Variants in TNFRSF8 observed in about 807,000 individuals in gnomAD.
The protein encoded by TNFRSF8 is tumor necrosis factor receptor superfamily member 8.
A neutral mutation model predicts 70.8 loss-of-function variants in TNFRSF8; 26 were observed. The ratio of observed to expected loss-of-function variants is 0.37; its 90% CI spans 0.27 to 0.51. The LOEUF is 0.51. Ranked by LOEUF, TNFRSF8 falls within the 20% of genes least tolerant of loss-of-function variation. The pLI is 0.94. For missense variants in TNFRSF8, 720 were observed against 807.9 expected (o/e 0.89, Z 1.32); for synonymous variants, 356 against 339.2 (o/e 1.05, Z -0.54).
intron 2 of TNFRSF8, among the ~76,000 whole-genome samples, chr1:12,085,671 A>AC (rs1292053346): frequency 6.6e-6 from 1 of 151,716 alleles, no homozygotes; most frequent in Non-Finnish European, 1.5e-5. Flanking sequence ...ATGTTCCCCC[A>AC]CCCCCAGCAC....
rs1187413808 is a variant in TNFRSF8, at chr1:12,091,926, A to G, written c.152-5175A>G. 2.6e-5 allele frequency among the ~76,000 whole-genome samples: 4 copies of G among 152,306 alleles called. No homozygotes were observed. The East Asian group carries it at 5.8e-4, about 22-fold the overall frequency. ...AGTTCACAATAGGGTTTGCGCTCCT[A>G]TGAGAATCTAATGCAGTTACTGATC... On this transcript the variant is annotated intron_variant, in intron 2 of 14. Coordinates refer to ENST00000263932, the MANE Select transcript of TNFRSF8 (RefSeq NM_001243.5).
chr1:12,094,635 T>TC (rs1413140165), intron 2 of TNFRSF8, among the ~76,000 whole-genome samples: 2 of 148,184 alleles, frequency 1.3e-5, no homozygotes, highest in Non-Finnish European at 3.0e-5. Flanking sequence ...TTTTTTGCTT[T>TC]TTTTTTTTGA....
chr1:12,080,368 A>G, intron 1 of TNFRSF8: 2 of 524,580 alleles, frequency 3.8e-6, no homozygotes, highest in Non-Finnish European at 7.6e-6. Flanking sequence ...CATCCATGCC[A>G]TAGAGCTTTG....
At chr1:12,116,108 A>C (rs1401420964) in intron 8 of TNFRSF8, among the ~76,000 whole-genome samples, 1 of 151,908 alleles carries the variant, frequency 6.6e-6, no homozygotes, top group Non-Finnish European at 1.5e-5. Flanking sequence ...CAGCCTTCTG[A>C]GTAGCTGGGG....
chr1:12,141,286 G>A lies in TNFRSF8; in HGVS notation c.1544-1001G>A, dbSNP rs753407877. ...CCCATTCTGGCCTCCAGAGTCCAGC[G>A]CAGAACAGCTGGGAGCCAGCCCACC... On this transcript the variant is annotated intron_variant, in intron 14 of 14. Coordinates refer to ENST00000263932, the MANE Select transcript of TNFRSF8 (RefSeq NM_001243.5). This position sits in a 1 kb window ranked among gnomAD's most constrained non-coding sequence, Gnocchi z 5.4. 3.3e-5 allele frequency among the ~76,000 whole-genome samples: 5 copies of A among 151,558 alleles called. No individual in the cohort carries two copies. The highest frequency in any genetic ancestry group is 5.9e-5 in the Non-Finnish European group (4 of 67,930).
intron 12 of TNFRSF8, among the ~76,000 whole-genome samples, chr1:12,130,745 C>T (rs1642033330): frequency 6.6e-6 from 1 of 152,248 alleles, no homozygotes; most frequent in South Asian, 2.1e-4. Context: ...TGCTGCCCAG[C>T]ATGGTCCTGG....
Position 12,108,164 on chromosome 1 carries a change from T to C in TNFRSF8, c.422-1402T>C, listed in dbSNP as rs893068158. On this transcript the variant is annotated intron_variant, in intron 4 of 14. Coordinates refer to ENST00000263932, the MANE Select transcript of TNFRSF8 (RefSeq NM_001243.5). The surrounding 1 kb of genome is among the most constrained non-coding windows in gnomAD (Gnocchi z 4.0). ...TGTGATCTCAGCTCACTGCAACCTCTGCCTCCCGGATTCAAGTGATTCTCC... is the reference window on the plus strand; with the variant it reads ...TGTGATCTCAGCTCACTGCAACCTCCGCCTCCCGGATTCAAGTGATTCTCC... 5.9e-5 allele frequency among the ~76,000 whole-genome samples: 9 copies of C among 151,454 alleles called. No homozygotes were observed. The highest frequency in any genetic ancestry group is 2.2e-4 in the African/African-American group (9 of 41,212).
At position 12,142,246 on chromosome 1, in the gene TNFRSF8, T is replaced by C; in HGVS notation, c.1544-41T>C. The C allele has an allele frequency of 1.3e-6, 2 of 1,522,544 alleles. No homozygotes were observed. The highest frequency in any genetic ancestry group is 1.4e-5 in the African/African-American group (1 of 73,314). 94.3% of individuals were successfully genotyped at this position (1,522,544 alleles called of 1,614,324 possible). ...GCCTCTTTGCTCCCATCCTGGCTGG[T>C]GCTCTGGCCTCCCTCGCTCACCCAT... On this transcript the variant is annotated intron_variant, in intron 14 of 14. Coordinates refer to ENST00000263932, the MANE Select transcript of TNFRSF8 (RefSeq NM_001243.5). The surrounding 1 kb of genome is among the most constrained non-coding windows in gnomAD (Gnocchi z 5.0).
chr1:12,111,329 C>A (rs1490998051), intron 6 of TNFRSF8, among the ~76,000 whole-genome samples: 2 of 152,014 alleles, frequency 1.3e-5, no homozygotes, highest in Admixed American at 1.3e-4. Flanking sequence ...TTACAGGCGC[C>A]TGCCACCACA....
chr1:12,141,886 G>T lies in TNFRSF8; in HGVS notation c.1544-401G>T, dbSNP rs180935635. On this transcript the variant is annotated intron_variant, in intron 14 of 14. Coordinates refer to ENST00000263932, the MANE Select transcript of TNFRSF8 (RefSeq NM_001243.5). The surrounding 1 kb of genome is among the most constrained non-coding windows in gnomAD (Gnocchi z 5.4). ...GTAAATGGGAATCTTGATGGGGTCC[G>T]CCTTGCAGGAGGGCTGGGGACCCAG... Among the ~76,000 whole-genome samples, 1 of 152,178 alleles carries T rather than the reference G, an allele frequency of 6.6e-6. No homozygotes were observed. The highest frequency in any genetic ancestry group is 2.4e-5 in the African/African-American group (1 of 41,436).
Position 12,109,992 on chromosome 1 carries a change from C to CT in TNFRSF8, c.513-47dup. 1.3e-6 allele frequency: 2 copies of CT among 1,595,660 alleles called. No individual in the cohort carries two copies. Among genetic ancestry groups the CT allele is most frequent in the Non-Finnish European group, 1.7e-6 (2 of 1,170,378 alleles). ...CTGTTACTCGTGAGCACAGGCCTCCCTTGCCCCATTGGCAGAATTATCAGT... is the reference window on the plus strand; with the variant it reads ...CTGTTACTCGTGAGCACAGGCCTCCCTTTGCCCCATTGGCAGAATTATCAGT... On this transcript the variant is annotated intron_variant, in intron 5 of 14. Transcript: ENST00000263932. This position sits in a 1 kb window ranked among gnomAD's most constrained non-coding sequence, Gnocchi z 4.4.
At position 12,142,910 on chromosome 1, in the gene TNFRSF8, G is replaced by A. The variant is rs557576945; in HGVS notation, c.*379G>A. On this transcript the variant is annotated 3_prime_UTR_variant, in exon 15 of 15. Coordinates refer to ENST00000263932, the MANE Select transcript of TNFRSF8 (RefSeq NM_001243.5). The surrounding 1 kb of genome is among the most constrained non-coding windows in gnomAD (Gnocchi z 5.0). ...CCCACAGCCCAGCGAGGGAGAGGTC[G>A]TGAGGCCAGCTCCCGGGGCCCCTGT... 107 of 191,774 alleles carry A rather than the reference G, an allele frequency of 5.6e-4. No homozygotes were observed. The highest frequency in any genetic ancestry group is 9.1e-4 in the Admixed American group (16 of 17,580). The allele number at this position is 191,774 out of a possible 1,614,324, so 11.9% of individuals were successfully genotyped here. A position where few individuals can be genotyped will look rare whatever the true frequency, so the allele number is the denominator to read the frequency against.
chr1:12,132,315 C>T (rs1241194239), intron 12 of TNFRSF8, among the ~76,000 whole-genome samples: 1 of 152,254 alleles, frequency 6.6e-6, no homozygotes, highest in East Asian at 1.9e-4. Flanking sequence ...ATCCAGGAGC[C>T]ACGTCACATT....
At chr1:12,130,385 C>T (rs1376020386) in intron 12 of TNFRSF8, among the ~76,000 whole-genome samples, 2 of 152,214 alleles carry the variant, frequency 1.3e-5, no homozygotes, top group African/African-American at 4.8e-5. Context: ...GGTGTATCCT[C>T]ATCCTGTGCT....
Position 12,110,036 on chromosome 1 carries a change from C to T in TNFRSF8, c.513-5C>T, listed in dbSNP as rs777914504. 4.3e-6 allele frequency: 7 copies of T among 1,612,306 alleles called. No individual in the cohort carries two copies. Among genetic ancestry groups the T allele is most frequent in the Non-Finnish European group, 5.1e-6 (6 of 1,179,170 alleles). Reference sequence around the variant, plus strand: ...TATCAGTCCCATCTCTGGCTTCTTCCCCAGTGGCACCATCCCCCAGGCCAA... The same window carrying T: ...TATCAGTCCCATCTCTGGCTTCTTCTCCAGTGGCACCATCCCCCAGGCCAA... On this transcript the variant is annotated splice_region_variant and splice_polypyrimidine_tract_variant and intron_variant, in intron 5 of 14. Transcript: ENST00000263932. This position sits in a 1 kb window ranked among gnomAD's most constrained non-coding sequence, Gnocchi z 4.0.
rs1247605387 is a variant in TNFRSF8, at chr1:12,110,235, C to T, written c.676+31C>T. ...TTCCCCATGAAGCTGTGGGTCGTCT[C>T]CCTGGGGTGCTCGATTGGTGGATGG... On this transcript the variant is annotated intron_variant, in intron 6 of 14. Transcript: ENST00000263932. This position sits in a 1 kb window ranked among gnomAD's most constrained non-coding sequence, Gnocchi z 4.0. 1 of 1,542,762 alleles carries T rather than the reference C, an allele frequency of 6.5e-7. No homozygotes were observed. Among genetic ancestry groups the T allele is most frequent in the South Asian group, 1.3e-5 (1 of 79,584 alleles).
Position 12,091,797 on chromosome 1 carries a change from A to G in TNFRSF8, c.152-5304A>G, listed in dbSNP as rs558563034. 4.7e-4 allele frequency among the ~76,000 whole-genome samples: 72 copies of G among 152,278 alleles called. No homozygotes were observed. In the South Asian group the frequency reaches 0.012, roughly 26 times the overall value. ...GGTTTTGTGGAAGATGATTCTTCCC[A>G]TGAAGGGGGGTCAGGGATGGTTTTG... is the stretch of plus-strand genomic sequence containing the variant. On this transcript the variant is annotated intron_variant, in intron 2 of 14. Coordinates refer to ENST00000263932, the MANE Select transcript of TNFRSF8 (RefSeq NM_001243.5).
chr1:12,120,818 A>G (rs1259611510), intron 8 of TNFRSF8, among the ~76,000 whole-genome samples: 1 of 152,172 alleles, frequency 6.6e-6, no homozygotes, highest in Non-Finnish European at 1.5e-5. Flanking sequence ...AGGATCACTG[A>G]CTCAGGGAGG....
Position 12,138,888 on chromosome 1 carries a change from G to A in TNFRSF8, c.1543+452G>A, listed in dbSNP as rs910704849. On this transcript the variant is annotated intron_variant, in intron 14 of 14. Coordinates refer to ENST00000263932, the MANE Select transcript of TNFRSF8 (RefSeq NM_001243.5). This position sits in a 1 kb window ranked among gnomAD's most constrained non-coding sequence, Gnocchi z 5.7. ...GAGACCGTGGCTCAGAGGGTGAAGT[G>A]ATTTTCCCCATTGCATGGCTACTAA... 1.4e-5 allele frequency among the ~76,000 whole-genome samples: 2 copies of A among 141,628 alleles called. No individual in the cohort carries two copies. Among genetic ancestry groups the A allele is most frequent in the African/African-American group, 5.8e-5 (2 of 34,506 alleles). 92.9% of individuals were successfully genotyped at this position (141,628 alleles called of 152,430 possible). A position where few individuals can be genotyped will look rare whatever the true frequency, so the allele number is the denominator to read the frequency against.
Sources: gnomAD v4.1 joint callset for allele counts (sites outside exome capture counted in the v4.1 genomes callset) on GRCh38, gnomAD v4.1.1 for gene constraint, Gnocchi (gnomAD v3.1) non-coding constraint, MANE v1.5 for transcripts, NCBI Gene and HGNC (gene_info 2026-07-23, HGNC 2026-07-21) for gene names.